Variants in NECTIN1 observed in about 807,000 individuals in gnomAD.
The protein encoded by NECTIN1 is nectin cell adhesion molecule 1.
A neutral mutation model predicts 48.0 loss-of-function variants in NECTIN1; 23 were observed. That is an observed-to-expected ratio of 0.48 (90% confidence interval 0.34 to 0.68). The LOEUF (loss-of-function observed/expected upper bound fraction) is 0.68. Ranked by LOEUF, NECTIN1 falls within the 30% of genes least tolerant of loss-of-function variation. NECTIN1 has a pLI of 0.01. For synonymous variants in NECTIN1, 270 were observed against 288.9 expected (o/e 0.93, Z 0.66); for missense variants, 591 against 709.9 (o/e 0.83, Z 1.90).
At position 119,674,780 on chromosome 11, in the gene NECTIN1, CA is replaced by C. The variant is rs1349706049; in HGVS notation, c.1003+378del. ...ATGAAGAGGTCCTTGACCACAGGTG[CA>C]GAGCTTGGAGGAGATGAGCTCCACC... On this transcript the variant is annotated intron_variant, in intron 5 of 5. Transcript: ENST00000264025. 5 of 1,512,818 alleles carry C rather than the reference CA, an allele frequency of 3.3e-6. No individual in the cohort carries two copies. In the East Asian group the frequency reaches 1.1e-4, roughly 34 times the overall value. The allele number at this position is 1,512,818 out of a possible 1,614,324, so 93.7% of individuals were successfully genotyped here.
intron 7 of NECTIN1, chr11:119,638,262 G>A (rs575142471): frequency 2.4e-5 from 38 of 1,613,684 alleles, no homozygotes; most frequent in Middle Eastern, 1.7e-4. Context: ...AAGAGAAGGC[G>A]GTGAGTGCTG....
At chr11:119,708,298 C>T (rs1343879985) in intron 1 of NECTIN1, among the ~76,000 whole-genome samples, 4 of 151,494 alleles carry the variant, frequency 2.6e-5, no homozygotes, top group South Asian at 4.2e-4. Flanking sequence ...TTGGATGTGG[C>T]GAAAGCACTG....
intron 5 of NECTIN1, among the ~76,000 whole-genome samples, chr11:119,667,289 C>A (rs575487922): frequency 1.3e-5 from 2 of 152,224 alleles, no homozygotes; most frequent in African/African-American, 4.8e-5. Context: ...GCCTGCCCCC[C>A]TCCTCGGTTC....
chr11:119,665,129 G>T lies in NECTIN1; in HGVS notation c.1172C>A (p.Thr391Asn), dbSNP rs766290195. ...GCCGTTGCCATACACGTGCTTCTTGGTGCTGTAGTCACCCTTGAAGGTGTG... is the reference window on the plus strand; with the variant it reads ...GCCGTTGCCATACACGTGCTTCTTGTTGCTGTAGTCACCCTTGAAGGTGTG... ...RRHTFKGDYS[T>N]KKHVYGNGYS... The change falls in exon 6 of 6, where the codon ACC (threonine) becomes AAC (asparagine). Residue 391 changes from threonine (T) to asparagine (N), a missense_variant. Coordinates refer to ENST00000264025, the MANE Select transcript of NECTIN1 (RefSeq NM_002855.5). This position sits in a 1 kb window ranked among gnomAD's most constrained non-coding sequence, Gnocchi z 5.1. 6 of 1,614,000 alleles carry T rather than the reference G, an allele frequency of 3.7e-6. No homozygotes were observed. Among genetic ancestry groups the T allele is most frequent in the Non-Finnish European group, 5.1e-6 (6 of 1,180,000 alleles).
chr11:119,720,283 T>C (rs979576757), intron 1 of NECTIN1, among the ~76,000 whole-genome samples: 1 of 152,236 alleles, frequency 6.6e-6, no homozygotes, highest in Non-Finnish European at 1.5e-5. Flanking sequence ...AGAAGGTGCA[T>C]GGGGCACAGA....
intron 5 of NECTIN1, chr11:119,642,612 T>C (rs1243294791): frequency 6.5e-6 from 1 of 153,654 alleles, no homozygotes; most frequent in Non-Finnish European, 1.5e-5. Flanking sequence ...CCTTTCATCA[T>C]CCTTACAGTG....
rs1440512634 is a variant in NECTIN1, at chr11:119,677,765, C to T, written c.523G>A (p.Ala175Thr). 1 of 1,614,172 alleles carries T rather than the reference C, an allele frequency of 6.2e-7. No homozygotes were observed. The highest frequency in any genetic ancestry group is 2.2e-5 in the East Asian group (1 of 44,876). ...DKVLVATCTS[A>T]NGKPPSVVSW... ...ACCACACTGGGAGGCTTCCCATTGG[C>T]TGAGGTGCAGGTGGCCACCAGGACC... is the stretch of plus-strand genomic sequence containing the variant. Residue 175 changes from alanine (A) to threonine (T), a missense_variant, in exon 3 of 6, where the codon GCC becomes ACC. Ala to Thr is a moderately conservative substitution (Grantham distance 58, BLOSUM62 0). Coordinates refer to ENST00000264025, the MANE Select transcript of NECTIN1 (RefSeq NM_002855.5). This position sits in a 1 kb window ranked among gnomAD's most constrained non-coding sequence, Gnocchi z 5.4.
chr11:119,639,790 T>C (rs1864297344), intron 6 of NECTIN1: 1 of 1,602,476 alleles, frequency 6.2e-7, no homozygotes, highest in Non-Finnish European at 8.5e-7. Context: ...GTTTAGGTGC[T>C]TTAAGTCTGG....
chr11:119,717,915 G>A (rs1441106106), intron 1 of NECTIN1, among the ~76,000 whole-genome samples: 1 of 152,250 alleles, frequency 6.6e-6, no homozygotes, highest in Non-Finnish European at 1.5e-5. Flanking sequence ...GGCAGATCCA[G>A]CCCCAGGAGC....
At chr11:119,644,859 TG>T (rs997373089) in intron 5 of NECTIN1, among the ~76,000 whole-genome samples, 107 of 151,832 alleles carry the variant, frequency 7.0e-4, no homozygotes, top group Non-Finnish European at 2.5e-4. Flanking sequence ...ATCAGGGGGC[TG>T]GGAGGAGGGG....
intron 1 of NECTIN1, among the ~76,000 whole-genome samples, chr11:119,720,715 G>A (rs571613686): frequency 7.0e-4 from 106 of 152,272 alleles, no homozygotes; most frequent in African/African-American, 2.4e-3. Flanking sequence ...GGGGAGGGAC[G>A]CAAAGCAGAG....
At chr11:119,693,467 A>G (rs1865295251) in intron 1 of NECTIN1, among the ~76,000 whole-genome samples, 1 of 152,230 alleles carries the variant, frequency 6.6e-6, no homozygotes, top group African/African-American at 2.4e-5. Flanking sequence ...CCTCGGGCCA[A>G]GAGAGGAGAG....
chr11:119,643,282 G>A (rs141273731), intron 5 of NECTIN1, among the ~76,000 whole-genome samples: 36 of 152,332 alleles, frequency 2.4e-4, no homozygotes, highest in African/African-American at 8.4e-4. Context: ...AGGAGAAATT[G>A]GCCTCAAGTC....
intron 1 of NECTIN1, among the ~76,000 whole-genome samples, chr11:119,712,065 G>A (rs887514353): frequency 1.3e-5 from 2 of 152,240 alleles, no homozygotes; most frequent in African/African-American, 2.4e-5. Flanking sequence ...AATGGGAAGA[G>A]CTCAGGGAGG....
chr11:119,728,777 C>T lies in NECTIN1; in HGVS notation c.-224G>A. 1 of 443,306 alleles carries T rather than the reference C, an allele frequency of 2.3e-6. No homozygotes were observed. The highest frequency in any genetic ancestry group is 4.0e-6 in the Non-Finnish European group (1 of 251,804). The allele number at this position is 443,306 out of a possible 1,614,324, so 27.5% of individuals were successfully genotyped here. ...TCAGAGGCTCGGCAGATGCCCGCCG[C>T]AAGTTGCACGAGTCATGCCCCTTCG... On this transcript the variant is annotated 5_prime_UTR_variant, in exon 1 of 6. Coordinates refer to ENST00000264025, the MANE Select transcript of NECTIN1 (RefSeq NM_002855.5).
At chr11:119,669,540 A>C (rs1047264046) in intron 5 of NECTIN1, among the ~76,000 whole-genome samples, 1 of 152,132 alleles carries the variant, frequency 6.6e-6, no homozygotes, top group African/African-American at 2.4e-5. Context: ...TGCTCCCCTG[A>C]TTCCATCCTT....
intron 5 of NECTIN1, 89 bp downstream of exon 5, chr11:119,675,070 T>G: frequency 2.1e-6 from 3 of 1,448,826 alleles, no homozygotes; most frequent in Non-Finnish European, 2.9e-6. Flanking sequence ...GAGATAATCT[T>G]CCTGCAGTGG....
chr11:119,685,726 C>T (rs982853193), intron 1 of NECTIN1, among the ~76,000 whole-genome samples: 1 of 152,216 alleles, frequency 6.6e-6, no homozygotes, highest in Non-Finnish European at 1.5e-5. Context: ...GCCCTGCCTG[C>T]CTCTAGCCTT....
intron 5 of NECTIN1, among the ~76,000 whole-genome samples, chr11:119,655,478 C>A (rs1864557834): frequency 6.6e-6 from 1 of 152,142 alleles, no homozygotes; most frequent in South Asian, 2.1e-4. Flanking sequence ...TCTGAGCTGG[C>A]CATTGTGACA....
Sources: allele counts gnomAD v4.1 joint callset (sites outside exome capture counted in the v4.1 genomes callset), GRCh38; gene constraint gnomAD v4.1.1; non-coding constraint Gnocchi (gnomAD v3.1); transcripts MANE v1.5; gene names NCBI Gene and HGNC (gene_info 2026-07-23, HGNC 2026-07-21).